GPHN: variants seen among roughly 807,000 people sequenced by gnomAD.
GPHN encodes the protein gephyrin.
In GPHN, 17 loss-of-function variants were observed where a neutral mutation model predicts 95.5. That is an observed-to-expected ratio of 0.18 (90% confidence interval 0.12 to 0.27). The LOEUF (loss-of-function observed/expected upper bound fraction) is 0.27, where lower values mean the gene tolerates loss of function less well. GPHN is among the 10% of genes least tolerant of loss of function. The pLI is 1.00. For missense variants in GPHN, 660 were observed against 978.1 expected (o/e 0.67, Z 4.34); for synonymous variants, 320 against 322.5 (o/e 0.99, Z 0.08).
At chr14:67,541,675 A>AG in the GPHN span, among the ~76,000 whole-genome samples, 2 of 152,168 alleles carry the variant, frequency 1.3e-5, no homozygotes, top group African/African-American at 4.8e-5. Context: ...GAAGGCAGGG[A>AG]GGGGCCCTGG....
chr14:66,720,375 G>A (rs755816266), intron 2 of GPHN, among the ~76,000 whole-genome samples: 29 of 152,150 alleles, frequency 1.9e-4, no homozygotes, highest in African/African-American at 4.6e-4. Flanking sequence ...CCAACACGGC[G>A]AAACCCCGTC....
At chr14:67,436,401 AACTAGC>A in the GPHN span, among the ~76,000 whole-genome samples, 5 of 152,092 alleles carry the variant, frequency 3.3e-5, no homozygotes, top group African/African-American at 1.2e-4. Flanking sequence ...CCTCCTTTCA[AACTAGC>A]ACATCTGTTC....
At chr14:67,335,798 A>ATATT in the GPHN span, 1 of 152,556 alleles carries the variant, frequency 6.6e-6, no homozygotes, top group Non-Finnish European at 1.5e-5. Flanking sequence ...AAGTAAAATT[A>ATATT]TATTTCAAAT....
intron 13 of GPHN, among the ~76,000 whole-genome samples, chr14:67,107,796 G>T (rs1444682212): frequency 1.3e-5 from 2 of 152,144 alleles, no homozygotes; most frequent in Non-Finnish European, 1.5e-5. Flanking sequence ...TCCCCAGAGA[G>T]GGGGGTATCT....
chr14:67,295,707 G>A, the GPHN span, among the ~76,000 whole-genome samples: 1 of 152,182 alleles, frequency 6.6e-6, no homozygotes, highest in Admixed American at 6.5e-5. Context: ...TTAAAAGACT[G>A]TCAGTATTGT....
At chr14:67,537,480 C>A in the GPHN span, among the ~76,000 whole-genome samples, 1 of 148,900 alleles carries the variant, frequency 6.7e-6, no homozygotes, top group Non-Finnish European at 1.5e-5. Context: ...GCCTGGGCAC[C>A]ATGGTGAAAC....
chr14:67,524,277 C>T, the GPHN span, among the ~76,000 whole-genome samples: 4,049 of 152,242 alleles, frequency 0.027, 160 homozygotes, highest in African/African-American at 0.088. Context: ...TACATCCAAA[C>T]TCATGTTCTA....
At chr14:67,716,832 C>T in the GPHN span, among the ~76,000 whole-genome samples, 3 of 150,926 alleles carry the variant, frequency 2.0e-5, no homozygotes, top group South Asian at 2.1e-4. Context: ...TGCAGTGAGC[C>T]GCTATCACAC....
chr14:67,100,370 T>G (rs2077629396), intron 12 of GPHN, among the ~76,000 whole-genome samples: 1 of 152,080 alleles, frequency 6.6e-6, no homozygotes, highest in South Asian at 2.1e-4. Flanking sequence ...GGGAGACAAA[T>G]AAGAAAACAG....
chr14:67,139,364 A>G (rs1359522324), intron 17 of GPHN, among the ~76,000 whole-genome samples: 2 of 152,086 alleles, frequency 1.3e-5, no homozygotes, highest in Non-Finnish European at 2.9e-5. Context: ...CCTCTCAGGT[A>G]GCTGAGACTA....
the GPHN span, among the ~76,000 whole-genome samples, chr14:67,573,597 G>T: frequency 6.6e-6 from 1 of 152,196 alleles, no homozygotes; most frequent in Non-Finnish European, 1.5e-5. This position sits in a 1 kb window ranked among gnomAD's most constrained non-coding sequence, Gnocchi z 4.8. Context: ...AAATAGGGAG[G>T]TTCTCAGAAG....
At chr14:66,894,610 C>T (rs2064725735) in intron 5 of GPHN, among the ~76,000 whole-genome samples, 1 of 152,180 alleles carries the variant, frequency 6.6e-6, no homozygotes, top group South Asian at 2.1e-4. Flanking sequence ...GCAATCTACT[C>T]ATCTGACAAA....
chr14:67,658,817 A>T, the GPHN span, among the ~76,000 whole-genome samples: 1 of 152,174 alleles, frequency 6.6e-6, no homozygotes, highest in Non-Finnish European at 1.5e-5. Context: ...TAAGTACTTC[A>T]TTCTCAAGGG....
the GPHN span, among the ~76,000 whole-genome samples, chr14:67,212,301 C>A: frequency 0.056 from 8,573 of 151,848 alleles, 503 homozygotes; most frequent in African/African-American, 0.15. Flanking sequence ...TAAAATGGCT[C>A]CTCTGACAAA....
chr14:67,080,897 TG>T (rs1370321770), intron 11 of GPHN, among the ~76,000 whole-genome samples: 1 of 152,230 alleles, frequency 6.6e-6, no homozygotes, highest in Non-Finnish European at 1.5e-5. Flanking sequence ...CTTGGAATAA[TG>T]GTCTCCAGTT....
intron 2 of GPHN, among the ~76,000 whole-genome samples, chr14:66,686,357 A>G (rs1012122030): frequency 1.3e-5 from 2 of 152,186 alleles, no homozygotes; most frequent in Non-Finnish European, 2.9e-5. Context: ...TTTTCATGAT[A>G]TTGATTCTTC....
chr14:66,710,633 T>C (rs551606587), intron 2 of GPHN, among the ~76,000 whole-genome samples: 4 of 152,306 alleles, frequency 2.6e-5, no homozygotes, highest in East Asian at 1.9e-4. Flanking sequence ...GAATAAATGA[T>C]TGATGGTTGA....
intron 3 of GPHN, among the ~76,000 whole-genome samples, chr14:66,806,250 C>T (rs1011628481): frequency 6.6e-6 from 1 of 152,174 alleles, no homozygotes; most frequent in African/African-American, 2.4e-5. Flanking sequence ...CCCTAGACTG[C>T]ACATAGCACA....
At chr14:67,344,491 C>T in the GPHN span, among the ~76,000 whole-genome samples, 1 of 152,018 alleles carries the variant, frequency 6.6e-6, no homozygotes, top group Non-Finnish European at 1.5e-5. Context: ...TACTAACTGG[C>T]CACATAGGGG....
Sources: gnomAD v4.1 joint callset for allele counts (sites outside exome capture counted in the v4.1 genomes callset) on GRCh38, gnomAD v4.1.1 for gene constraint, Gnocchi (gnomAD v3.1) non-coding constraint, MANE v1.5 for transcripts, NCBI Gene and HGNC (gene_info 2026-07-23, HGNC 2026-07-21) for gene names.